The following ABCC9 variants were observed in gnomAD, a reference collection of about 807,000 sequenced individuals.
The protein encoded by ABCC9 is ATP-binding cassette sub-family C member 9.
In ABCC9, 95 loss-of-function variants were observed where a neutral mutation model predicts 188.3. The observed-to-expected ratio is 0.50, with a 90% CI of 0.43 to 0.60. The LOEUF (loss-of-function observed/expected upper bound fraction) is 0.60, where lower values mean the gene tolerates loss of function less well. ABCC9 is among the 20% of genes least tolerant of loss of function. ABCC9 has a pLI of 0.00. For synonymous variants in ABCC9, 659 were observed against 652.7 expected, an observed-to-expected ratio of 1.01 and a Z score of -0.15; for missense variants, 1,102 against 1,876.3, an observed-to-expected ratio of 0.59 and a Z score of 7.62.
chr12:21,848,252 G>A lies in ABCC9; in HGVS notation c.2770-6C>T. ...GTTTGGTCAGCTTCCATATCCTGCAGTAAACATTGTACTATCATGCAAGGA... is the reference window on the plus strand; with the variant it reads ...GTTTGGTCAGCTTCCATATCCTGCAATAAACATTGTACTATCATGCAAGGA... On this transcript the variant is annotated splice_region_variant and splice_polypyrimidine_tract_variant and intron_variant, in intron 24 of 39. Transcript: ENST00000261200. The A allele has an allele frequency of 1.2e-6, 2 of 1,611,050 alleles. No individual in the cohort carries two copies. Among genetic ancestry groups the A allele is most frequent in the Middle Eastern group, 1.7e-4 (1 of 6,042 alleles).
chr12:21,836,416 A>G (rs984315696), intron 30 of ABCC9, among the ~76,000 whole-genome samples: 19 of 152,100 alleles, frequency 1.2e-4, no homozygotes, highest in South Asian at 2.1e-4. Flanking sequence ...GACTCTTTTG[A>G]TTTCCATATA....
rs1432623306 is a variant in ABCC9 at position 21,838,181 on chromosome 12, G to C, written c.3474-11C>G. On this transcript the variant is annotated splice_polypyrimidine_tract_variant and intron_variant, in intron 29 of 39. Transcript: ENST00000261200. ...AGTTCCTGGAGGTCCCTAGTAGAGA[G>C]AGGGGCAAAAATAAACTTCATGTGC... 6 of 1,585,244 alleles carry C rather than the reference G, an allele frequency of 3.8e-6. No homozygotes were observed. The highest frequency in any genetic ancestry group is 3.3e-5 in the South Asian group (3 of 90,478).
At position 21,913,084 on chromosome 12, in the gene ABCC9, A is replaced by G. The variant is rs764209653; in HGVS notation, c.817-18T>C. The G allele has an allele frequency of 7.1e-6, 11 of 1,538,726 alleles. No individual in the cohort carries two copies. The highest frequency in any genetic ancestry group is 3.8e-5 in the Admixed American group (2 of 53,232). ...ACTTTTTTCTGAAGAAAAAAAAAAG[A>G]AAAAAAAAACAGATGTAACAAAATA... is the stretch of plus-strand genomic sequence containing the variant. On this transcript the variant is annotated intron_variant, in intron 7 of 39. Coordinates refer to ENST00000261200, the MANE Select transcript of ABCC9 (RefSeq NM_020297.4).
intron 34 of ABCC9, among the ~76,000 whole-genome samples, chr12:21,814,981 G>C (rs889413974): frequency 3.3e-5 from 5 of 152,038 alleles, no homozygotes; most frequent in Admixed American, 6.6e-5. Context: ...CCAGGAGTTT[G>C]AGACCAGCCT....
chr12:21,894,168 C>CA lies in ABCC9; in HGVS notation c.1665dup (p.Val556CysfsTer52), dbSNP rs1352074242. The stretch of plus-strand genomic sequence containing the variant: ...TTTCCACTGGCATACGCATGGGTCA[C>CA]AAATGTCTGTGCAAAGAAAGGAGTT... On this transcript the variant is annotated frameshift_variant, in exon 14 of 40. Coordinates refer to ENST00000261200, the MANE Select transcript of ABCC9 (RefSeq NM_020297.4). LOFTEE classifies it high-confidence loss of function. 1 of 1,613,950 alleles carries CA rather than the reference C, an allele frequency of 6.2e-7. No individual in the cohort carries two copies. Among genetic ancestry groups the CA allele is most frequent in the Non-Finnish European group, 8.5e-7 (1 of 1,179,960 alleles).
intron 14 of ABCC9, among the ~76,000 whole-genome samples, chr12:21,890,555 A>C (rs1418829388): frequency 6.6e-6 from 1 of 152,184 alleles, no homozygotes; most frequent in Non-Finnish European, 1.5e-5. Flanking sequence ...TACCTCCTTT[A>C]AATCTTTACC....
intron 15 of ABCC9, among the ~76,000 whole-genome samples, chr12:21,886,965 T>G (rs996726912): frequency 6.6e-6 from 1 of 152,102 alleles, no homozygotes; most frequent in Non-Finnish European, 1.5e-5. Flanking sequence ...AGTACCCAAT[T>G]CACTCTCTAA....
At chr12:21,821,653 T>A (rs771837266) in intron 31 of ABCC9, among the ~76,000 whole-genome samples, 4 of 152,136 alleles carry the variant, frequency 2.6e-5, no homozygotes, top group Non-Finnish European at 5.9e-5. Context: ...TGAGTTTAGT[T>A]TACTATGGAA....
rs924172536 is a variant in ABCC9, at chr12:21,799,878, A to T, written c.*1166T>A. 6.6e-6 allele frequency: 1 copy of T among 152,208 alleles called. No individual in the cohort carries two copies. The highest frequency in any genetic ancestry group is 1.5e-5 in the Non-Finnish European group (1 of 68,036). 9.4% of individuals were successfully genotyped at this position (152,208 alleles called of 1,614,324 possible). A position where few individuals can be genotyped will look rare whatever the true frequency, so the allele number is the denominator to read the frequency against. On this transcript the variant is annotated 3_prime_UTR_variant, in exon 40 of 40. Coordinates refer to ENST00000261200, the MANE Select transcript of ABCC9 (RefSeq NM_020297.4). ...TTTTGAATTTATTAATTTTCATTTA[A>T]GCAAAACCTAACACTAATATCCCAT...
Position 21,910,419 on chromosome 12 carries a change from A to C in ABCC9, c.1165-107T>G, listed in dbSNP as rs4148655. On this transcript the variant is annotated intron_variant, in intron 9 of 39. Transcript: ENST00000261200. Reference sequence around the variant, plus strand: ...AAACATTTAATTTTTTTGAGAAAAAAGAAAAGAAAAATTCTATAGGATCAT... The same window carrying C: ...AAACATTTAATTTTTTTGAGAAAAACGAAAAGAAAAATTCTATAGGATCAT... 0.38 allele frequency: 447,419 copies of C among 1,179,828 alleles called. 86,115 individuals carry two copies. Among genetic ancestry groups the C allele is most frequent in the Admixed American group, 0.41 (15,900 of 38,574 alleles). 73.1% of individuals were successfully genotyped at this position (1,179,828 alleles called of 1,614,324 possible). A position where few individuals can be genotyped will look rare whatever the true frequency, so the allele number is the denominator to read the frequency against.
intron 10 of ABCC9, 117 bp downstream of exon 10, chr12:21,910,040 G>C (rs1407661591): frequency 4.1e-6 from 4 of 981,286 alleles, no homozygotes; most frequent in Non-Finnish European, 6.2e-6. Flanking sequence ...TTCTATAAAA[G>C]AGTGTAATAT....
chr12:21,910,442 C>G, intron 9 of ABCC9, 130 bp from the exon 10 acceptor site: 1 of 938,464 alleles, frequency 1.1e-6, no homozygotes, highest in South Asian at 1.7e-5. Context: ...TCTATAGGAT[C>G]ATCTTCTTAA....
intron 15 of ABCC9, among the ~76,000 whole-genome samples, chr12:21,885,578 C>T (rs901501978): frequency 1.3e-5 from 2 of 152,038 alleles, no homozygotes; most frequent in Non-Finnish European, 2.9e-5. Flanking sequence ...CCAAGAGTGA[C>T]GAGACTGGTT....
chr12:21,822,882 C>T (rs1209118022), intron 31 of ABCC9, among the ~76,000 whole-genome samples: 1 of 151,882 alleles, frequency 6.6e-6, no homozygotes, highest in Admixed American at 6.6e-5. Flanking sequence ...ACAAAGTGAC[C>T]CTACGGTTAC....
chr12:21,802,011 G>C (rs1296113643), intron 39 of ABCC9, among the ~76,000 whole-genome samples: 1 of 152,110 alleles, frequency 6.6e-6, no homozygotes. Context: ...TCATCTAACT[G>C]TTTCATAAGG....
Position 21,910,997 on chromosome 12 carries a change from A to T in ABCC9, c.1012-19T>A, listed in dbSNP as rs748582003. 1 of 1,611,344 alleles carries T rather than the reference A, an allele frequency of 6.2e-7. No homozygotes were observed. Among genetic ancestry groups the T allele is most frequent in the Non-Finnish European group, 8.5e-7 (1 of 1,178,000 alleles). ...CTGAAATCTGGTCCCCAAAGAAAAAAAGTGTCATATTAAAACTCGTCTTTT... is the reference window on the plus strand; with the variant it reads ...CTGAAATCTGGTCCCCAAAGAAAAATAGTGTCATATTAAAACTCGTCTTTT... On this transcript the variant is annotated intron_variant, in intron 8 of 39. Coordinates refer to ENST00000261200, the MANE Select transcript of ABCC9 (RefSeq NM_020297.4).
chr12:21,922,648 C>T (rs1948871030), intron 5 of ABCC9, among the ~76,000 whole-genome samples: 1 of 151,382 alleles, frequency 6.6e-6, no homozygotes, highest in Non-Finnish European at 1.5e-5. Flanking sequence ...TAAATGAAGA[C>T]TGGATTGTGA....
chr12:21,925,640 G>A lies in ABCC9; in HGVS notation c.406+302C>T, dbSNP rs1203199870. On this transcript the variant is annotated intron_variant, in intron 5 of 39. Coordinates refer to ENST00000261200, the MANE Select transcript of ABCC9 (RefSeq NM_020297.4). The stretch of plus-strand genomic sequence containing the variant: ...CTCTGATTCTTAAAATACAACTTCT[G>A]CAAGCCAGAAGGCCAGCCATATTTC... 4 of 646,300 alleles carry A rather than the reference G, an allele frequency of 6.2e-6. No homozygotes were observed. In the East Asian group the frequency reaches 1.1e-4, roughly 18 times the overall value. The allele number at this position is 646,300 out of a possible 1,614,324, so 40.0% of individuals were successfully genotyped here. A position where few individuals can be genotyped will look rare whatever the true frequency, so the allele number is the denominator to read the frequency against.
At chr12:21,834,613 TC>T (rs1943964283) in intron 30 of ABCC9, among the ~76,000 whole-genome samples, 1 of 152,062 alleles carries the variant, frequency 6.6e-6, no homozygotes, top group South Asian at 2.1e-4. Flanking sequence ...TGCTGGCCTC[TC>T]CTATCTGGAT....
Sources: gnomAD v4.1 joint callset for allele counts (sites outside exome capture counted in the v4.1 genomes callset) on GRCh38, gnomAD v4.1.1 for gene constraint, MANE v1.5 for transcripts, NCBI Gene and HGNC (gene_info 2026-07-23, HGNC 2026-07-21) for gene names.